Variants in OGFOD3 observed in about 807,000 individuals in gnomAD.
OGFOD3 encodes 2-oxoglutarate and iron-dependent oxygenase domain-containing protein 3.
OGFOD3 carries 35 observed loss-of-function variants against 39.8 expected under a neutral mutation model. That is an observed-to-expected ratio of 0.88 (90% CI 0.67 to 1.17). OGFOD3 has a LOEUF of 1.17. OGFOD3 is among the 50% of genes most tolerant of loss of function. The pLI, the probability that OGFOD3 is intolerant of heterozygous loss-of-function variation, is 0.00. For synonymous variants in OGFOD3, 200 were observed against 192.0 expected (o/e 1.04, Z -0.34); for missense variants, 438 against 454.5 (o/e 0.96, Z 0.33).
rs188932040 is a variant in OGFOD3 at position 82,410,967 on chromosome 17, G to A, written c.380+488C>T. 3.2e-3 allele frequency among the ~76,000 whole-genome samples: 490 copies of A among 151,384 alleles called. 10 individuals carry two copies. Among genetic ancestry groups the A allele is most frequent in the Non-Finnish European group, 3.8e-3 (256 of 67,876 alleles). Reference sequence around the variant, plus strand: ...TCTCCTGAGCTCAGGCAATCCACCCGCCTTGGCCTCCCCAAGTGCTAGGAT... The same window carrying A: ...TCTCCTGAGCTCAGGCAATCCACCCACCTTGGCCTCCCCAAGTGCTAGGAT... On this transcript the variant is annotated intron_variant, in intron 3 of 8. Transcript: ENST00000313056.
chr17:82,397,713 G>A (rs2052697772), intron 8 of OGFOD3, among the ~76,000 whole-genome samples: 1 of 152,098 alleles, frequency 6.6e-6, no homozygotes, highest in African/African-American at 2.4e-5. Flanking sequence ...CTCTGGGACT[G>A]CAAGGTCCAG....
chr17:82,392,429 TC>T lies in OGFOD3; in HGVS notation c.928del (p.Asp310ThrfsTer50). 6.2e-7 allele frequency: 1 copy of T among 1,612,546 alleles called. No individual in the cohort carries two copies. ...AITIAFSCNP[D>X]HGIEDPAFP is the part of the protein sequence containing the mutation. Reference sequence around the variant, plus strand: ...GAACGCTGGGTCCTCGATGCCATGGTCGGGGTTGCAGCTGAAGGCGATGGTG... The same window carrying T: ...GAACGCTGGGTCCTCGATGCCATGGTGGGGTTGCAGCTGAAGGCGATGGTG... On this transcript the variant is annotated frameshift_variant, in exon 9 of 9. Transcript: ENST00000313056. LOFTEE classifies it high-confidence loss of function. The surrounding 1 kb of genome is among the most constrained non-coding windows in gnomAD (Gnocchi z 4.2).
chr17:82,395,690 A>G (rs529993865), intron 8 of OGFOD3, among the ~76,000 whole-genome samples: 8 of 152,326 alleles, frequency 5.3e-5, no homozygotes, highest in East Asian at 1.9e-4. Flanking sequence ...GCGTGGTGGT[A>G]GGCACCTGTA....
Position 82,390,746 on chromosome 17 carries a change from G to T in OGFOD3, c.*1652C>A, listed in dbSNP as rs1472735137. 5.6e-6 allele frequency: 1 copy of T among 178,874 alleles called. No homozygotes were observed. Among genetic ancestry groups the T allele is most frequent in the African/African-American group, 2.4e-5 (1 of 41,142 alleles). 11.1% of individuals were successfully genotyped at this position (178,874 alleles called of 1,614,324 possible). On this transcript the variant is annotated 3_prime_UTR_variant, in exon 9 of 9. Transcript: ENST00000313056. The surrounding 1 kb of genome is among the most constrained non-coding windows in gnomAD (Gnocchi z 4.9). ...CCCAGGGGTCACCATGCCTCAGCTG[G>T]CCTCACGCCCGCTCCTTCCCAGGGG... is the stretch of plus-strand genomic sequence containing the variant.
intron 7 of OGFOD3, among the ~76,000 whole-genome samples, chr17:82,402,018 C>G (rs2052775464): frequency 6.6e-6 from 1 of 152,086 alleles, no homozygotes; most frequent in Non-Finnish European, 1.5e-5. Context: ...GCCATTCAAC[C>G]ACTTCCATCC....
chr17:82,407,810 A>T (rs1318668108), intron 4 of OGFOD3, among the ~76,000 whole-genome samples: 1 of 152,206 alleles, frequency 6.6e-6, no homozygotes, highest in East Asian at 1.9e-4. Flanking sequence ...GATCTTTAAC[A>T]AATAGCCCCC....
Position 82,415,334 on chromosome 17 carries a change from C to T in OGFOD3, c.304+64G>A, listed in dbSNP as rs1227426604. On this transcript the variant is annotated intron_variant, in intron 2 of 8. Coordinates refer to ENST00000313056, the MANE Select transcript of OGFOD3 (RefSeq NM_024648.3). This position sits in a 1 kb window ranked among gnomAD's most constrained non-coding sequence, Gnocchi z 5.3. ...ACATCCAACCCAATTCCCACCCCTT[C>T]GTCGCAGCCAATGTCCTTTAACCAC... is the stretch of plus-strand genomic sequence containing the variant. The T allele has an allele frequency of 5.4e-6, 8 of 1,494,114 alleles. No homozygotes were observed. The African/African-American group carries it at 6.9e-5, about 13-fold the overall frequency. The allele number at this position is 1,494,114 out of a possible 1,614,324, so 92.6% of individuals were successfully genotyped here.
In OGFOD3 at chr17:82,390,570, C is replaced by T. The variant is rs946548336; in HGVS notation, c.*1828G>A. 4 of 159,106 alleles carry T rather than the reference C, an allele frequency of 2.5e-5. No homozygotes were observed. The highest frequency in any genetic ancestry group is 9.6e-5 in the African/African-American group (4 of 41,490). 9.9% of individuals were successfully genotyped at this position (159,106 alleles called of 1,614,324 possible). ...GCCTCAGGGTTCCTGCCCCATCTGCCCAGAGCCTGCAGCCCTGACCAAGGA... is the reference window on the plus strand; with the variant it reads ...GCCTCAGGGTTCCTGCCCCATCTGCTCAGAGCCTGCAGCCCTGACCAAGGA... On this transcript the variant is annotated 3_prime_UTR_variant, in exon 9 of 9. Transcript: ENST00000313056. The surrounding 1 kb of genome is among the most constrained non-coding windows in gnomAD (Gnocchi z 4.9).
intron 3 of OGFOD3, among the ~76,000 whole-genome samples, chr17:82,410,112 G>A (rs2052920329): frequency 6.6e-6 from 1 of 152,194 alleles, no homozygotes; most frequent in Non-Finnish European, 1.5e-5. Flanking sequence ...CATGGTGGGA[G>A]AAAGACACCC....
chr17:82,410,911 G>T (rs1223167063), intron 3 of OGFOD3, among the ~76,000 whole-genome samples: 7 of 151,268 alleles, frequency 4.6e-5, no homozygotes, highest in African/African-American at 1.7e-4. Context: ...TAGAGACAGG[G>T]GTTTCACCAT....
At chr17:82,405,811 G>T (rs905758510) in intron 5 of OGFOD3, among the ~76,000 whole-genome samples, 1 of 149,462 alleles carries the variant, frequency 6.7e-6, no homozygotes, top group Non-Finnish European at 1.5e-5. Context: ...TTAGCTGGGC[G>T]TGGTGGTGCG....
chr17:82,403,469 T>C (rs1469422524), intron 7 of OGFOD3, among the ~76,000 whole-genome samples: 1 of 152,070 alleles, frequency 6.6e-6, no homozygotes, highest in African/African-American at 2.4e-5. Context: ...TCGTCTCTAC[T>C]AAAAATACAA....
At position 82,392,563 on chromosome 17, in the gene OGFOD3, C is replaced by T. The variant is rs2052612214; in HGVS notation, c.824-29G>A. ...GGAGAGGAGAAGAGAGAGAGGTGGC[C>T]ATAGAGCCACACCCACGGCCACAGC... On this transcript the variant is annotated intron_variant, in intron 8 of 8. Transcript: ENST00000313056. The surrounding 1 kb of genome is among the most constrained non-coding windows in gnomAD (Gnocchi z 4.2). 1 of 1,563,028 alleles carries T rather than the reference C, an allele frequency of 6.4e-7. No homozygotes were observed. Among genetic ancestry groups the T allele is most frequent in the Non-Finnish European group, 8.7e-7 (1 of 1,154,380 alleles).
intron 7 of OGFOD3, among the ~76,000 whole-genome samples, chr17:82,400,417 G>C (rs1201470261): frequency 6.6e-6 from 1 of 152,208 alleles, no homozygotes; most frequent in Non-Finnish European, 1.5e-5. Context: ...CTGTAAAAAG[G>C]AAACCATACC....
In OGFOD3 at chr17:82,416,259, C is replaced by T. The variant is rs116177685; in HGVS notation, c.75-632G>A. On this transcript the variant is annotated intron_variant, in intron 1 of 8. Coordinates refer to ENST00000313056, the MANE Select transcript of OGFOD3 (RefSeq NM_024648.3). ...CTCAATAAATAAATAAATAAATAAA[C>T]AAACACACACCACTTTAATGTGAGA... Among the ~76,000 whole-genome samples, 944 of 151,688 alleles carry T rather than the reference C, an allele frequency of 6.2e-3. 11 individuals carry two copies. The highest frequency in any genetic ancestry group is 0.022 in the African/African-American group (902 of 41,488).
At chr17:82,399,442 T>C (rs2052728182) in intron 7 of OGFOD3, among the ~76,000 whole-genome samples, 2 of 152,218 alleles carry the variant, frequency 1.3e-5, no homozygotes, top group African/African-American at 4.8e-5. Flanking sequence ...ATCCCAAGCT[T>C]TTTAAAACTT....
At chr17:82,413,993 G>A (rs1290705135) in intron 2 of OGFOD3, among the ~76,000 whole-genome samples, 5 of 152,110 alleles carry the variant, frequency 3.3e-5, no homozygotes, top group East Asian at 1.9e-4. Context: ...TAAAAAGTGC[G>A]CAGTGTGGTG....
Position 82,411,511 on chromosome 17 carries a change from G to A in OGFOD3, c.324C>T (p.Cys108=), listed in dbSNP as rs371738412. 6.8e-6 allele frequency: 11 copies of A among 1,613,904 alleles called. No individual in the cohort carries two copies. The highest frequency in any genetic ancestry group is 4.5e-5 in the East Asian group (2 of 44,894). ...TGACGACATCGGTGACACCTCTGCC[G>A]CACTTTCGGGGAGTGCAGCCTGTGA... ...RRFEGCTPRK[C]GRGVTDVVIT... Residue 108 remains cysteine, a synonymous_variant, in exon 3 of 9, where the codon TGC becomes TGT. Transcript: ENST00000313056.
intron 8 of OGFOD3, chr17:82,394,643 C>T (rs935488816): frequency 1.9e-5 from 18 of 936,140 alleles, no homozygotes; most frequent in African/African-American, 3.3e-5. Flanking sequence ...GCCTTTGCCC[C>T]GGCTCCCAGG....
Sources: gnomAD v4.1 joint callset for allele counts (sites outside exome capture counted in the v4.1 genomes callset) on GRCh38, gnomAD v4.1.1 for gene constraint, Gnocchi (gnomAD v3.1) non-coding constraint, MANE v1.5 for transcripts, NCBI Gene and HGNC (gene_info 2026-07-23, HGNC 2026-07-21) for gene names.